RBKS: variants seen among roughly 807,000 people sequenced by gnomAD.
RBKS encodes the protein ribokinase.
RBKS carries 33 observed loss-of-function variants against 33.9 expected under a neutral mutation model. The observed-to-expected ratio is 0.97, with a 90% CI of 0.74 to 1.30. The LOEUF is 1.30. RBKS is among the 50% of genes most tolerant of loss of function. The pLI is 0.00. For missense variants in RBKS, 361 were observed against 392.6 expected, an observed-to-expected ratio of 0.92 and a Z score of 0.68; for synonymous variants, 125 against 143.0, an observed-to-expected ratio of 0.87 and a Z score of 0.90.
intron 3 of RBKS, 140 bp downstream of exon 3, chr2:27,847,894 A>G (rs1013870587): frequency 1.4e-5 from 9 of 629,700 alleles, no homozygotes; most frequent in Admixed American, 6.3e-5. Flanking sequence ...CATTTAAGCA[A>G]GAATGGACAA....
At chr2:27,832,075 A>G (rs1377708526) in intron 6 of RBKS, among the ~76,000 whole-genome samples, 2 of 152,198 alleles carry the variant, frequency 1.3e-5, no homozygotes, top group Non-Finnish European at 2.9e-5. Context: ...TTTCTTCCCA[A>G]CAATATTTAA....
At chr2:27,879,217 G>T (rs1664373677) in intron 1 of RBKS, among the ~76,000 whole-genome samples, 1 of 152,120 alleles carries the variant, frequency 6.6e-6, no homozygotes, top group Admixed American at 6.5e-5. Context: ...CGCATAACCT[G>T]CAGGCACTTA....
chr2:27,885,407 C>G (rs557074308), intron 1 of RBKS, among the ~76,000 whole-genome samples: 3 of 152,270 alleles, frequency 2.0e-5, no homozygotes, highest in South Asian at 4.1e-4. Flanking sequence ...TGCTCAAATC[C>G]TCCACTAGCT....
chr2:27,791,621 C>A (rs994313801), intron 7 of RBKS, among the ~76,000 whole-genome samples: 1 of 149,458 alleles, frequency 6.7e-6, no homozygotes, highest in African/African-American at 2.5e-5. Context: ...TCTACACACA[C>A]ACACACACAC....
intron 7 of RBKS, among the ~76,000 whole-genome samples, chr2:27,800,630 G>C (rs1677758072): frequency 6.6e-6 from 1 of 152,130 alleles, no homozygotes. Context: ...CCATGACCTA[G>C]GTCAGAGGGG....
intron 1 of RBKS, among the ~76,000 whole-genome samples, chr2:27,867,789 T>G (rs1051077169): frequency 6.6e-6 from 1 of 152,152 alleles, no homozygotes; most frequent in Non-Finnish European, 1.5e-5. Context: ...TGTATATGTA[T>G]GTATAGGGGA....
Position 27,858,471 on chromosome 2 carries a change from G to C in RBKS, c.190C>G (p.Arg64Gly). 1 of 1,613,930 alleles carries C rather than the reference G, an allele frequency of 6.2e-7. No individual in the cohort carries two copies. The highest frequency in any genetic ancestry group is 1.1e-5 in the South Asian group (1 of 91,066). The change falls in exon 2 of 8, where the codon CGG becomes GGG. Residue 64 changes from arginine to glycine, a missense_variant. Coordinates refer to ENST00000302188, the MANE Select transcript of RBKS (RefSeq NM_022128.3). ...ACCATGGACGTCATTGCTCCAAGCC[G>C]AGCAGCTTGGACACACTGGTTGGCA... ...KGANQCVQAA[R>G]LGAMTSMVCK...
At chr2:27,844,019 G>A (rs575269896) in intron 4 of RBKS, among the ~76,000 whole-genome samples, 1 of 152,040 alleles carries the variant, frequency 6.6e-6, no homozygotes, top group East Asian at 1.9e-4. Flanking sequence ...CTAGCACTTT[G>A]GGAGGCCGAG....
intron 7 of RBKS, among the ~76,000 whole-genome samples, chr2:27,808,878 G>T (rs1286337778): frequency 6.6e-6 from 1 of 152,092 alleles, no homozygotes; most frequent in African/African-American, 2.4e-5. Context: ...TCACCCTCTA[G>T]GTAATCTTCA....
intron 7 of RBKS, among the ~76,000 whole-genome samples, chr2:27,816,892 C>A (rs999945629): frequency 8.5e-5 from 13 of 152,202 alleles, no homozygotes; most frequent in Non-Finnish European, 1.6e-4. Flanking sequence ...CCACCGCGCC[C>A]GGCCTAAGGA....
intron 7 of RBKS, among the ~76,000 whole-genome samples, chr2:27,821,193 C>G (rs1678197744): frequency 6.6e-6 from 1 of 151,910 alleles, no homozygotes; most frequent in Admixed American, 6.6e-5. Context: ...TTAATTTTGG[C>G]CAAACTTATG....
intron 1 of RBKS, among the ~76,000 whole-genome samples, chr2:27,875,308 G>C (rs1664289652): frequency 6.6e-6 from 1 of 152,206 alleles, no homozygotes; most frequent in Non-Finnish European, 1.5e-5. Context: ...TGCACTTTGG[G>C]AGGCCAAGGT....
intron 7 of RBKS, among the ~76,000 whole-genome samples, chr2:27,784,273 G>A (rs1023746481): frequency 1.3e-5 from 2 of 151,068 alleles, no homozygotes; most frequent in Non-Finnish European, 3.0e-5. Context: ...GTGAGCCACC[G>A]CGCCCGGCCT....
intron 7 of RBKS, among the ~76,000 whole-genome samples, chr2:27,822,086 GAGAAGA>G (rs532596206): frequency 1.3e-5 from 2 of 152,284 alleles, no homozygotes; most frequent in East Asian, 3.9e-4. Context: ...AGAAGGAGAT[GAGAAGA>G]AGAAGAAGAG....
intron 1 of RBKS, among the ~76,000 whole-genome samples, chr2:27,863,922 C>T (rs2148222360): frequency 6.6e-6 from 1 of 152,298 alleles, no homozygotes; most frequent in South Asian, 2.1e-4. Flanking sequence ...AAAATTCATT[C>T]TATGTTCCCT....
intron 1 of RBKS, among the ~76,000 whole-genome samples, chr2:27,879,607 C>T (rs969661902): frequency 5.3e-5 from 8 of 152,032 alleles, no homozygotes; most frequent in Admixed American, 1.3e-4. Flanking sequence ...GAGAGAACCA[C>T]GAGCCAACAC....
At chr2:27,785,772 A>AAAAG (rs552931515) in intron 7 of RBKS, among the ~76,000 whole-genome samples, 1 of 151,950 alleles carries the variant, frequency 6.6e-6, no homozygotes, top group African/African-American at 2.4e-5. Context: ...AAAAAAAAAA[A>AAAAG]AAAGAAAGAA....
chr2:27,804,358 T>TAAC (rs1044534874), intron 7 of RBKS, among the ~76,000 whole-genome samples: 11 of 152,210 alleles, frequency 7.2e-5, no homozygotes, highest in African/African-American at 2.4e-4. Context: ...TCATACTCAT[T>TAAC]AACAGTCACT....
chr2:27,799,631 G>A (rs947066836), intron 7 of RBKS, among the ~76,000 whole-genome samples: 1 of 152,230 alleles, frequency 6.6e-6, no homozygotes, highest in Non-Finnish European at 1.5e-5. Context: ...TATTGCCAGG[G>A]GTTCAGGAAA....
Sources: allele counts gnomAD v4.1 joint callset (sites outside exome capture counted in the v4.1 genomes callset), GRCh38; gene constraint gnomAD v4.1.1; transcripts MANE v1.5; gene names NCBI Gene and HGNC (gene_info 2026-07-23, HGNC 2026-07-21).